CARS2: variants seen among roughly 807,000 people sequenced by gnomAD.
The protein encoded by CARS2 is cysteinyl-tRNA synthetase 2, mitochondrial.
In CARS2, 52 loss-of-function variants were observed where a neutral mutation model predicts 68.8. That is an observed-to-expected ratio of 0.76 (90% CI 0.61 to 0.95). CARS2 has a LOEUF of 0.95. Among genes scored for constraint, CARS2 ranks in the 40% least tolerant of loss-of-function variants. The pLI, the probability that CARS2 is intolerant of heterozygous loss-of-function variation, is 0.00. For missense variants in CARS2, 780 were observed against 754.2 expected (o/e 1.03, Z -0.40); for synonymous variants, 314 against 303.6 (o/e 1.03, Z -0.36).
chr13:110,713,515 G>A (rs1490666415), exon 1 of CARS2: 15 of 986,482 alleles, frequency 1.5e-5, no homozygotes, highest in East Asian at 2.3e-4. Context: ...CTCGCCTCTG[G>A]AAAAAGTGAC....
At chr13:110,698,094 C>A in intron 3 of CARS2, 1 of 397,168 alleles carries the variant, frequency 2.5e-6, no homozygotes. Flanking sequence ...TAGTTCCACC[C>A]CATTTCACAA....
intron 7 of CARS2, among the ~76,000 whole-genome samples, chr13:110,673,448 C>T (rs1160893502): frequency 6.6e-6 from 1 of 152,144 alleles, no homozygotes; most frequent in Non-Finnish European, 1.5e-5. Flanking sequence ...ATAAACAGAA[C>T]CAAAGACAAA....
intron 9 of CARS2, among the ~76,000 whole-genome samples, chr13:110,654,880 G>GCCACTGCACCAGGTA (rs1322464553): frequency 4.6e-4 from 63 of 137,678 alleles, no homozygotes; most frequent in African/African-American, 1.7e-3. Flanking sequence ...TGCACCAGGT[G>GCCACTGCACCAGGTA]CCACTGCACC....
chr13:110,664,428 G>A (rs2062591191), intron 8 of CARS2: 1 of 276,276 alleles, frequency 3.6e-6, no homozygotes, highest in Admixed American at 6.5e-5. Flanking sequence ...GAGGTGGGAG[G>A]ATCGCTTGAG....
chr13:110,711,611 C>T (rs1307933339), intron 1 of CARS2, among the ~76,000 whole-genome samples: 1 of 152,206 alleles, frequency 6.6e-6, no homozygotes, highest in Non-Finnish European at 1.5e-5. Context: ...ACTAGAATAG[C>T]GTGATCTGTA....
chr13:110,694,790 T>C (rs2063573108), intron 3 of CARS2, among the ~76,000 whole-genome samples: 1 of 152,152 alleles, frequency 6.6e-6, no homozygotes, highest in Admixed American at 6.5e-5. Flanking sequence ...GGAAAGTGTA[T>C]TATTATAATT....
At chr13:110,684,588 C>T (rs2063243981) in intron 5 of CARS2, among the ~76,000 whole-genome samples, 1 of 151,082 alleles carries the variant, frequency 6.6e-6, no homozygotes, top group South Asian at 2.1e-4. Flanking sequence ...CCACCAGTGA[C>T]CATTGTGCTC....
chr13:110,679,027 T>G (rs7984622), intron 6 of CARS2, among the ~76,000 whole-genome samples: 151,954 of 152,048 alleles, frequency 1, 75,930 homozygotes, highest in Middle Eastern at 1. Context: ...GTCACGCCCG[T>G]TGTCCTTACC....
intron 10 of CARS2, 121 bp from the exon 11 acceptor site, chr13:110,647,360 T>C (rs768492375): frequency 3.2e-6 from 4 of 1,266,974 alleles, no homozygotes; most frequent in African/African-American, 1.5e-5. Context: ...GAGCGGGACA[T>C]GTGGCTCTCA....
In CARS2 at chr13:110,645,998, T is replaced by C. The variant is rs1185589881; in HGVS notation, c.1286A>G (p.His429Arg). ...GGACGCCCTGAGCTGTCCATTCCCG[T>C]GGTGTGCAAGGCCCAGGATGGCATC... ...VVDAILGLAH[H>R]GNGQLRASLK... The change falls in exon 12 of 15, where the codon CAC (histidine) becomes CGC (arginine). Residue 429 changes from histidine to arginine, a missense_variant. Coordinates refer to ENST00000257347, the MANE Select transcript of CARS2 (RefSeq NM_024537.4). 2 of 1,613,838 alleles carry C rather than the reference T, an allele frequency of 1.2e-6. No homozygotes were observed. The highest frequency in any genetic ancestry group is 8.5e-7 in the Non-Finnish European group (1 of 1,179,940).
chr13:110,678,713 A>T (rs2063046428), intron 6 of CARS2, among the ~76,000 whole-genome samples: 1 of 152,248 alleles, frequency 6.6e-6, no homozygotes, highest in Non-Finnish European at 1.5e-5. Context: ...AGTAGAAGGC[A>T]GCACACTGTC....
At position 110,663,764 on chromosome 13, in the gene CARS2, C is replaced by A. The variant is rs2062573956; in HGVS notation, c.920-246G>T. 3.7e-5 allele frequency: 47 copies of A among 1,255,968 alleles called. No individual in the cohort carries two copies. In the South Asian group the frequency reaches 1.2e-3, roughly 33 times the overall value. 77.8% of individuals were successfully genotyped at this position (1,255,968 alleles called of 1,614,324 possible). A position where few individuals can be genotyped will look rare whatever the true frequency, so the allele number is the denominator to read the frequency against. On this transcript the variant is annotated intron_variant, in intron 8 of 14. Coordinates refer to ENST00000257347, the MANE Select transcript of CARS2 (RefSeq NM_024537.4). The stretch of plus-strand genomic sequence containing the variant: ...CTGAGAGCAGATGGCAGGGGTGCCC[C>A]AGCTGACTCAGAAGCTAAACAAGAG...
chr13:110,691,871 C>T (rs1000416268), intron 3 of CARS2, among the ~76,000 whole-genome samples: 15 of 151,052 alleles, frequency 9.9e-5, no homozygotes, highest in African/African-American at 2.2e-4. Flanking sequence ...GGCACAGACA[C>T]AGGGGTGACG....
intron 8 of CARS2, chr13:110,664,970 C>T: frequency 4.1e-6 from 4 of 980,748 alleles, no homozygotes; most frequent in Non-Finnish European, 2.4e-6. Flanking sequence ...TTCAGTTTGG[C>T]TATAGCAGCC....
intron 1 of CARS2, chr13:110,712,788 A>C: frequency 1.4e-6 from 1 of 725,720 alleles, no homozygotes; most frequent in Non-Finnish European, 2.5e-6. Flanking sequence ...GGCCTAGGGA[A>C]GGCGCCCCTC....
At chr13:110,657,534 A>G (rs2062402238) in intron 9 of CARS2, among the ~76,000 whole-genome samples, 2 of 152,270 alleles carry the variant, frequency 1.3e-5, no homozygotes, top group African/African-American at 4.8e-5. Context: ...TTCAACACCC[A>G]AAAGATAATG....
At chr13:110,696,025 C>T (rs1177161296) in intron 3 of CARS2, among the ~76,000 whole-genome samples, 1 of 152,084 alleles carries the variant, frequency 6.6e-6, no homozygotes, top group African/African-American at 2.4e-5. Context: ...GAGAACCATG[C>T]GGTGTTCGGT....
chr13:110,713,089 C>T (rs1446148453), intron 1 of CARS2: 2 of 1,441,730 alleles, frequency 1.4e-6, no homozygotes, highest in Non-Finnish European at 1.8e-6. Context: ...TTCCGCCTCC[C>T]GGAGGACTTG....
chr13:110,646,124 G>C, intron 11 of CARS2, 34 bp from the exon 12 acceptor site: 1 of 1,600,618 alleles, frequency 6.2e-7, no homozygotes, highest in Non-Finnish European at 8.5e-7. Flanking sequence ...CACAGCAGAG[G>C]GAGCTCCACT....
Sources: allele counts gnomAD v4.1 joint callset (sites outside exome capture counted in the v4.1 genomes callset), GRCh38; gene constraint gnomAD v4.1.1; transcripts MANE v1.5; gene names NCBI Gene and HGNC (gene_info 2026-07-23, HGNC 2026-07-21).